The following NCAM2 variants were observed in gnomAD, a reference collection of about 807,000 sequenced individuals.
NCAM2 encodes neural cell adhesion molecule 2, also known as N-CAM-2.
Under a neutral mutation model 98.1 loss-of-function variants are expected in NCAM2, and 30 were observed. The observed-to-expected ratio is 0.31, with a 90% CI of 0.23 to 0.41. The LOEUF is 0.41. NCAM2 is among the 10% of genes least tolerant of loss of function. The probability of loss-of-function intolerance (pLI) is 1.00; values close to 1 mark genes in which losing one functional copy is unlikely to be tolerated. For missense variants in NCAM2, 867 were observed against 1,005.8 expected (o/e 0.86, Z 1.87); for synonymous variants, 368 against 342.4 (o/e 1.07, Z -0.83).
chr21:21,361,733 C>A (rs917138383), intron 8 of NCAM2, among the ~76,000 whole-genome samples: 2 of 152,124 alleles, frequency 1.3e-5, no homozygotes, highest in Admixed American at 1.3e-4. Flanking sequence ...TTAAATAAAT[C>A]TTTCAAAGTT....
chr21:21,424,797 C>T (rs139272566), intron 11 of NCAM2, among the ~76,000 whole-genome samples: 3,541 of 151,722 alleles, frequency 0.023, 110 homozygotes, highest in African/African-American at 0.082. Context: ...TTTGGGAAGC[C>T]GAGGCGGGTG....
intron 9 of NCAM2, among the ~76,000 whole-genome samples, chr21:21,380,164 C>T (rs2076122256): frequency 6.6e-6 from 1 of 152,172 alleles, no homozygotes. Context: ...AAGAGCAATA[C>T]TTTGCATCCT....
chr21:21,420,262 C>G (rs1398279793), intron 11 of NCAM2, among the ~76,000 whole-genome samples: 1 of 151,800 alleles, frequency 6.6e-6, no homozygotes, highest in Non-Finnish European at 1.5e-5. Flanking sequence ...AGTTTTACCT[C>G]TAAAACTTAA....
At chr21:21,409,589 C>G (rs1231574819) in intron 9 of NCAM2, among the ~76,000 whole-genome samples, 1 of 152,054 alleles carries the variant, frequency 6.6e-6, no homozygotes, top group Admixed American at 6.6e-5. Flanking sequence ...AGATTTTATC[C>G]TAAACTCTCA....
intron 10 of NCAM2, among the ~76,000 whole-genome samples, chr21:21,414,855 G>A (rs1569037499): frequency 6.6e-6 from 1 of 152,132 alleles, no homozygotes; most frequent in Non-Finnish European, 1.5e-5. Context: ...GGGTTAGCCA[G>A]CATGAAAACA....
intron 1 of NCAM2, among the ~76,000 whole-genome samples, chr21:21,047,834 C>A (rs6518053): frequency 0.94 from 143,155 of 152,174 alleles, 67,963 homozygotes; most frequent in East Asian, 1. Context: ...CCAAATTCCT[C>A]CTTAAGAGGT....
At chr21:21,376,630 A>G (rs1406031633) in intron 9 of NCAM2, among the ~76,000 whole-genome samples, 2 of 151,884 alleles carry the variant, frequency 1.3e-5, no homozygotes, top group African/African-American at 4.8e-5. Flanking sequence ...CTTGTAATCT[A>G]TTAATACCAT....
intron 8 of NCAM2, among the ~76,000 whole-genome samples, chr21:21,355,540 G>A (rs13051677): frequency 7.4e-6 from 1 of 134,446 alleles, no homozygotes; most frequent in African/African-American, 2.6e-5. Context: ...GAGGGAGGGA[G>A]AGAGGGAGGG....
intron 1 of NCAM2, among the ~76,000 whole-genome samples, chr21:21,224,380 C>T (rs2070295835): frequency 6.6e-6 from 1 of 152,032 alleles, no homozygotes; most frequent in African/African-American, 2.4e-5. Context: ...AAAGATAACC[C>T]AGGTAGAATA....
At chr21:21,094,327 C>T (rs1208039542) in intron 1 of NCAM2, among the ~76,000 whole-genome samples, 2 of 151,738 alleles carry the variant, frequency 1.3e-5, no homozygotes, top group Non-Finnish European at 2.9e-5. Context: ...AATACATTAT[C>T]AACTGGATAG....
chr21:21,216,675 A>G (rs1282557229), intron 1 of NCAM2, among the ~76,000 whole-genome samples: 1 of 152,190 alleles, frequency 6.6e-6, no homozygotes, highest in Non-Finnish European at 1.5e-5. Context: ...CTTATCAATT[A>G]TATCTCATCC....
At chr21:21,335,711 G>A in intron 7 of NCAM2, 46 bp downstream of exon 7, 1 of 1,394,144 alleles carries the variant, frequency 7.2e-7, no homozygotes, top group Non-Finnish European at 9.5e-7. Flanking sequence ...TCTATTGGAA[G>A]ATCAGAGTGA....
chr21:21,274,624 T>C (rs1337506673), intron 1 of NCAM2, among the ~76,000 whole-genome samples: 1 of 152,206 alleles, frequency 6.6e-6, no homozygotes, highest in Non-Finnish European at 1.5e-5. Context: ...TTTGCTATAA[T>C]CAATAATTTA....
chr21:21,189,007 C>A (rs1292706634), intron 1 of NCAM2, among the ~76,000 whole-genome samples: 1 of 152,096 alleles, frequency 6.6e-6, no homozygotes, highest in Non-Finnish European at 1.5e-5. Context: ...TGAGAACCCT[C>A]CAGGGATTCC....
intron 16 of NCAM2, among the ~76,000 whole-genome samples, chr21:21,509,837 C>G (rs2146357537): frequency 6.6e-6 from 1 of 152,174 alleles, no homozygotes; most frequent in East Asian, 1.9e-4. Context: ...GGAAATCATA[C>G]ACAAACATAT....
Position 21,372,897 on chromosome 21 carries a change from A to G in NCAM2, c.1045-966A>G, listed in dbSNP as rs149761830. Reference sequence around the variant, plus strand: ...GTATAACAGGTAATTACAAGAGAACATGTTTATTTTCAAGCGAAGATCATG... The same window carrying G: ...GTATAACAGGTAATTACAAGAGAACGTGTTTATTTTCAAGCGAAGATCATG... On this transcript the variant is annotated intron_variant, in intron 8 of 17. Transcript: ENST00000400546. 6.7e-3 allele frequency among the ~76,000 whole-genome samples: 1,015 copies of G among 151,976 alleles called. 6 individuals are homozygous for G. The highest frequency in any genetic ancestry group is 0.014 in the Middle Eastern group (4 of 294).
intron 12 of NCAM2, among the ~76,000 whole-genome samples, chr21:21,449,469 T>G (rs2146119854): frequency 6.6e-6 from 1 of 152,118 alleles, no homozygotes; most frequent in East Asian, 1.9e-4. Context: ...AGAATGTAGC[T>G]TTTAAGTCCC....
chr21:21,117,630 A>G (rs9984362), intron 1 of NCAM2, among the ~76,000 whole-genome samples: 35,927 of 152,124 alleles, frequency 0.24, 4,260 homozygotes, highest in Middle Eastern at 0.27. Flanking sequence ...TGCTAAGTAA[A>G]ATAAGCCAAT....
intron 15 of NCAM2, among the ~76,000 whole-genome samples, chr21:21,481,648 A>G (rs528447442): frequency 1.2e-4 from 18 of 152,302 alleles, no homozygotes; most frequent in Admixed American, 2.6e-4. Context: ...TAGATGAAAC[A>G]AATCAAGGAG....
Sources: allele counts gnomAD v4.1 joint callset (sites outside exome capture counted in the v4.1 genomes callset), GRCh38; gene constraint gnomAD v4.1.1; transcripts MANE v1.5; gene names NCBI Gene and HGNC (gene_info 2026-07-23, HGNC 2026-07-21).